Variants in RASA1 observed in about 807,000 individuals in gnomAD.
RASA1 encodes RAS p21 protein activator 1.
RASA1 carries 25 observed loss-of-function variants against 132.2 expected under a neutral mutation model. That is an observed-to-expected ratio of 0.19 (90% CI 0.14 to 0.26). The LOEUF (loss-of-function observed/expected upper bound fraction) is 0.26. Ranked by LOEUF, RASA1 falls within the 10% of genes least tolerant of loss-of-function variation. RASA1 has a pLI of 1.00. For synonymous variants in RASA1, 477 were observed against 449.9 expected (o/e 1.06, Z -0.76); for missense variants, 964 against 1,299.2 (o/e 0.74, Z 3.97).
At chr5:87,292,729 C>A (rs567168808) in intron 1 of RASA1, among the ~76,000 whole-genome samples, 1 of 152,076 alleles carries the variant, frequency 6.6e-6, no homozygotes, top group Non-Finnish European at 1.5e-5. Flanking sequence ...CAAATCTGTA[C>A]GTCAAGTTGG....
intron 1 of RASA1, among the ~76,000 whole-genome samples, chr5:87,290,956 T>C (rs528445435): frequency 6.4e-4 from 98 of 152,328 alleles, no homozygotes; most frequent in African/African-American, 2.3e-3. Context: ...AGTTTTCAAT[T>C]TATTGGGATA....
chr5:87,366,247 A>G (rs1760504445), intron 11 of RASA1: 1 of 235,580 alleles, frequency 4.2e-6, no homozygotes, highest in Non-Finnish European at 9.2e-6. Flanking sequence ...GATACTTACA[A>G]CTGCAATTAG....
chr5:87,380,567 A>G lies in RASA1; in HGVS notation c.2662A>G (p.Asn888Asp), dbSNP rs201204842. Reference sequence around the variant, plus strand: ...ATCTGTTCAGCATAAGTGGCCTACAAATACCACCATGAGAACAAGAGTTGT... The same window carrying G: ...ATCTGTTCAGCATAAGTGGCCTACAGATACCACCATGAGAACAAGAGTTGT... ...QKSVQHKWPT[N>D]TTMRTRVVSG... Residue 888 changes from asparagine to aspartate, a missense_variant, in exon 20 of 25, where the codon AAT becomes GAT. Asn to Asp is a conservative substitution (Grantham distance 23). Transcript: ENST00000274376. 22 of 1,613,226 alleles carry G rather than the reference A, an allele frequency of 1.4e-5. No individual in the cohort carries two copies. Among genetic ancestry groups the G allele is most frequent in the African/African-American group, 2.7e-5 (2 of 75,018 alleles).
At chr5:87,280,579 C>G (rs1398964030) in intron 1 of RASA1, among the ~76,000 whole-genome samples, 1 of 152,166 alleles carries the variant, frequency 6.6e-6, no homozygotes, top group Non-Finnish European at 1.5e-5. Context: ...TCCCAAAATG[C>G]TGGGATTACA....
Position 87,326,757 on chromosome 5 carries a change from G to C in RASA1, c.540-4591G>C, listed in dbSNP as rs150870152. Reference sequence around the variant, plus strand: ...CCTTCTAGAGTTGCCAGGTGAAATAGAATTTCTAGTTTATTAATAGTATGG... The same window carrying C: ...CCTTCTAGAGTTGCCAGGTGAAATACAATTTCTAGTTTATTAATAGTATGG... On this transcript the variant is annotated intron_variant, in intron 1 of 24. Transcript: ENST00000274376. Among the ~76,000 whole-genome samples, 22 of 152,236 alleles carry C rather than the reference G, an allele frequency of 1.4e-4. No homozygotes were observed. The East Asian group carries it at 4.1e-3, about 28-fold the overall frequency.
chr5:87,376,772 A>G (rs1761355292), intron 16 of RASA1, 109 bp from the exon 17 acceptor site: 1 of 1,249,292 alleles, frequency 8.0e-7, no homozygotes, highest in Non-Finnish European at 1.1e-6. Flanking sequence ...ATTCAATGGG[A>G]CATCATTTTA....
chr5:87,317,272 A>T (rs1945431099), intron 1 of RASA1, among the ~76,000 whole-genome samples: 1 of 152,098 alleles, frequency 6.6e-6, no homozygotes, highest in Non-Finnish European at 1.5e-5. Context: ...CAGACTTTTA[A>T]TAAATTCCCC....
At chr5:87,308,828 A>G (rs1755740818) in intron 1 of RASA1, among the ~76,000 whole-genome samples, 1 of 152,198 alleles carries the variant, frequency 6.6e-6, no homozygotes, top group Non-Finnish European at 1.5e-5. Flanking sequence ...TATGCTGTAC[A>G]GGTTGGTAGC....
At chr5:87,287,532 T>C (rs1468707053) in intron 1 of RASA1, among the ~76,000 whole-genome samples, 1 of 148,004 alleles carries the variant, frequency 6.8e-6, no homozygotes, top group Non-Finnish European at 1.5e-5. Context: ...ATACCATATA[T>C]ATACCATATA....
intron 11 of RASA1, 30 bp downstream of exon 11, chr5:87,363,534 G>T: frequency 6.3e-7 from 1 of 1,596,854 alleles, no homozygotes; most frequent in African/African-American, 1.3e-5. Flanking sequence ...TTTTTCTTTC[G>T]GAATTGTCTT....
intron 18 of RASA1, 96 bp from the exon 19 acceptor site, chr5:87,379,639 T>TA: frequency 6.7e-7 from 1 of 1,501,872 alleles, no homozygotes; most frequent in Non-Finnish European, 8.9e-7. Context: ...TACCGAAAAA[T>TA]AGACAACCTC....
At chr5:87,303,839 C>CTTTTTTTT (rs755878903) in intron 1 of RASA1, among the ~76,000 whole-genome samples, 1 of 130,336 alleles carries the variant, frequency 7.7e-6, no homozygotes. Context: ...TACTTCTTGT[C>CTTTTTTTT]TTTTTTTTTT....
At chr5:87,296,677 T>C (rs933098668) in intron 1 of RASA1, among the ~76,000 whole-genome samples, 1 of 152,194 alleles carries the variant, frequency 6.6e-6, no homozygotes, top group African/African-American at 2.4e-5. Flanking sequence ...GCTGGTCTTC[T>C]GTAGGCAAGG....
Position 87,386,521 on chromosome 5 carries a change from C to T in RASA1, c.2848-305C>T, listed in dbSNP as rs139040869. On this transcript the variant is annotated intron_variant, in intron 22 of 24. Transcript: ENST00000274376. The stretch of plus-strand genomic sequence containing the variant: ...TTTGTGTCTGCCAGGCTATGTGTTA[C>T]GATTTGTGCTTGGGTCCAGAATTTT... 8.0e-3 allele frequency among the ~76,000 whole-genome samples: 1,222 copies of T among 152,024 alleles called. 41 individuals carry two copies. The highest frequency in any genetic ancestry group is 0.06 in the Admixed American group (916 of 15,246).
intron 17 of RASA1, 82 bp from the exon 18 acceptor site, chr5:87,378,313 TA>T: frequency 6.7e-7 from 1 of 1,498,042 alleles, no homozygotes; most frequent in Non-Finnish European, 9.3e-7. Flanking sequence ...CCTGTTGAGG[TA>T]AAATGAATTC....
chr5:87,278,557 A>G (rs528844119), intron 1 of RASA1, among the ~76,000 whole-genome samples: 12 of 152,196 alleles, frequency 7.9e-5, no homozygotes, highest in African/African-American at 2.9e-4. Context: ...AAAAAAAAGA[A>G]AAGAAAAAGT....
chr5:87,345,384 G>A (rs530340564), intron 6 of RASA1, among the ~76,000 whole-genome samples: 12 of 152,154 alleles, frequency 7.9e-5, no homozygotes, highest in African/African-American at 2.9e-4. Flanking sequence ...AACTGTAGAA[G>A]TAGAGGATTA....
chr5:87,389,308 G>A (rs1339055677), intron 23 of RASA1, 85 bp from the exon 24 acceptor site: 55 of 1,542,466 alleles, frequency 3.6e-5, no homozygotes, highest in Non-Finnish European at 4.8e-5. Context: ...TTCAGCCTGG[G>A]CAACAAGAGC....
chr5:87,352,409 G>A (rs944682631), intron 8 of RASA1, among the ~76,000 whole-genome samples: 2 of 151,450 alleles, frequency 1.3e-5, no homozygotes, highest in African/African-American at 4.8e-5. Context: ...CATTTGTCCA[G>A]TATATTAAAG....
Sources: allele counts gnomAD v4.1 joint callset (sites outside exome capture counted in the v4.1 genomes callset), GRCh38; gene constraint gnomAD v4.1.1; transcripts MANE v1.5; gene names NCBI Gene and HGNC (gene_info 2026-07-23, HGNC 2026-07-21).